SHISA6: variants seen among roughly 807,000 people sequenced by gnomAD.
SHISA6 encodes the protein protein shisa-6.
A neutral mutation model predicts 47.9 loss-of-function variants in SHISA6; 22 were observed. That is an observed-to-expected ratio of 0.46 (90% confidence interval 0.33 to 0.66). SHISA6 has a LOEUF of 0.66. Ranked by LOEUF, SHISA6 falls within the 30% of genes least tolerant of loss-of-function variation. The probability of loss-of-function intolerance (pLI) is 0.02; values close to 1 mark genes in which losing one functional copy is unlikely to be tolerated. For missense variants in SHISA6, 680 were observed against 764.6 expected, an observed-to-expected ratio of 0.89 and a Z score of 1.30; for synonymous variants, 388 against 337.8, an observed-to-expected ratio of 1.15 and a Z score of -1.63.
At chr17:11,245,350 G>A (rs1907534253) in intron 1 of SHISA6, among the ~76,000 whole-genome samples, 1 of 152,150 alleles carries the variant, frequency 6.6e-6, no homozygotes, top group Admixed American at 6.5e-5. Context: ...AAACTGCCCG[G>A]GCTAAGGCTC....
intron 3 of SHISA6, among the ~76,000 whole-genome samples, chr17:11,413,786 C>T (rs377430748): frequency 7.9e-5 from 12 of 152,192 alleles, no homozygotes; most frequent in East Asian, 1.9e-4. Flanking sequence ...TGGAACATTG[C>T]GTTGCCTCCT....
intron 3 of SHISA6, among the ~76,000 whole-genome samples, chr17:11,454,123 T>C (rs1351484969): frequency 1.3e-5 from 2 of 152,178 alleles, no homozygotes; most frequent in African/African-American, 2.4e-5. Context: ...GTCTCATTCA[T>C]TCGATTTTTA....
intron 2 of SHISA6, among the ~76,000 whole-genome samples, chr17:11,274,327 G>A (rs998494318): frequency 9.2e-5 from 14 of 152,306 alleles, no homozygotes; most frequent in East Asian, 5.8e-4. Context: ...ATGAGGTGCC[G>A]GTCAGAGGGA....
intron 2 of SHISA6, among the ~76,000 whole-genome samples, chr17:11,366,315 T>G (rs1442266369): frequency 6.6e-6 from 1 of 152,170 alleles, no homozygotes; most frequent in Non-Finnish European, 1.5e-5. Flanking sequence ...GCCCAGCTAA[T>G]TTTTTGTAGA....
intron 2 of SHISA6, among the ~76,000 whole-genome samples, chr17:11,263,904 C>T (rs963968140): frequency 6.6e-6 from 1 of 152,166 alleles, no homozygotes; most frequent in African/African-American, 2.4e-5. Flanking sequence ...TTACTGTACC[C>T]CAATGTAGAG....
chr17:11,336,114 C>T (rs1313400099), intron 2 of SHISA6, among the ~76,000 whole-genome samples: 1 of 151,660 alleles, frequency 6.6e-6, no homozygotes, highest in Non-Finnish European at 1.5e-5. Flanking sequence ...GAGGCTGAGG[C>T]AGGAGAATTG....
intron 2 of SHISA6, among the ~76,000 whole-genome samples, chr17:11,283,016 T>C (rs1909174246): frequency 6.6e-6 from 1 of 152,188 alleles, no homozygotes; most frequent in South Asian, 2.1e-4. Flanking sequence ...TCTAGCGAAG[T>C]GTAAAGATCA....
chr17:11,303,267 G>C (rs1597448126), intron 2 of SHISA6, among the ~76,000 whole-genome samples: 1 of 145,238 alleles, frequency 6.9e-6, no homozygotes, highest in Non-Finnish European at 1.5e-5. Context: ...TTGTGGTTGT[G>C]AGTATGTGTG....
Position 11,292,984 on chromosome 17 carries a change from C to A in SHISA6, c.799+29458C>A, listed in dbSNP as rs536396782. Among the ~76,000 whole-genome samples the A allele has an allele frequency of 3.9e-5, 6 of 152,126 alleles. No individual in the cohort carries two copies. The East Asian group carries it at 1.2e-3, about 29-fold the overall frequency. ...GGATTACAGGCGCCCACCGCCACAC[C>A]TGGCTAATTTTTGTATTTTTAGTAG... On this transcript the variant is annotated intron_variant, in intron 2 of 5. Transcript: ENST00000441885.
rs141513975 is a variant in SHISA6 at position 11,438,530 on chromosome 17, C to G, written c.895+59021C>G. On this transcript the variant is annotated intron_variant, in intron 3 of 5. Coordinates refer to ENST00000441885, the MANE Select transcript of SHISA6 (RefSeq NM_207386.4). Reference sequence around the variant, plus strand: ...GCTATGTGCTCCCCTGGACTTTCCTCTGTTTGTGCTGGGAGGCAGATAGAG... The same window carrying G: ...GCTATGTGCTCCCCTGGACTTTCCTGTGTTTGTGCTGGGAGGCAGATAGAG... 8.0e-3 allele frequency among the ~76,000 whole-genome samples: 1,218 copies of G among 152,286 alleles called. 24 individuals carry two copies. Among genetic ancestry groups the G allele is most frequent in the African/African-American group, 0.028 (1,149 of 41,570 alleles).
chr17:11,557,765 G>T lies in SHISA6; in HGVS notation c.1117G>T (p.Ala373Ser). The T allele has an allele frequency of 6.5e-7, 1 of 1,544,146 alleles. No individual in the cohort carries two copies. Among genetic ancestry groups the T allele is most frequent in the Non-Finnish European group, 8.8e-7 (1 of 1,142,418 alleles). The part of the protein sequence containing the change: ...SSLKRLTDKE[A>S]DEYYMRRRHL... The stretch of plus-strand genomic sequence containing the variant: ...TCTCTCCCCTGCAGCCGACAAGGAG[G>T]CTGACGAGTATTACATGAGACGGCG... Residue 373 changes from alanine (A) to serine (S), a missense_variant, in exon 6 of 6, where the codon GCT becomes TCT. Transcript: ENST00000441885.
At chr17:11,321,871 AT>A (rs1006545695) in intron 2 of SHISA6, among the ~76,000 whole-genome samples, 11 of 151,334 alleles carry the variant, frequency 7.3e-5, no homozygotes, top group South Asian at 2.1e-4. Flanking sequence ...GTTTTTTGTA[AT>A]TTTTTTTTCA....
chr17:11,353,597 T>C (rs1911975384), intron 2 of SHISA6, among the ~76,000 whole-genome samples: 1 of 152,074 alleles, frequency 6.6e-6, no homozygotes, highest in South Asian at 2.1e-4. Flanking sequence ...TTGAGCCCAG[T>C]GTGGCTCACC....
chr17:11,277,349 C>T (rs1908962035), intron 2 of SHISA6, among the ~76,000 whole-genome samples: 2 of 148,768 alleles, frequency 1.3e-5, no homozygotes, highest in Admixed American at 1.3e-4. Flanking sequence ...ACTTTCTTCT[C>T]CCAGAGATCT....
At chr17:11,467,907 G>A (rs1047575968) in intron 3 of SHISA6, among the ~76,000 whole-genome samples, 1 of 152,184 alleles carries the variant, frequency 6.6e-6, no homozygotes, top group South Asian at 2.1e-4. Context: ...TTCTTGTTAG[G>A]TACAGCTTCT....
intron 2 of SHISA6, among the ~76,000 whole-genome samples, chr17:11,370,078 CTT>C (rs1912586765): frequency 6.6e-6 from 1 of 152,080 alleles, no homozygotes; most frequent in Non-Finnish European, 1.5e-5. Flanking sequence ...CTTGAAGACT[CTT>C]TCTGTTGCAA....
intron 3 of SHISA6, among the ~76,000 whole-genome samples, chr17:11,408,695 G>T (rs1914031135): frequency 6.6e-6 from 1 of 152,182 alleles, no homozygotes; most frequent in Non-Finnish European, 1.5e-5. Flanking sequence ...CCAGAAAAAT[G>T]CCTCCACAAT....
At chr17:11,482,026 G>C (rs934292862) in intron 3 of SHISA6, among the ~76,000 whole-genome samples, 1 of 152,174 alleles carries the variant, frequency 6.6e-6, no homozygotes, top group Non-Finnish European at 1.5e-5. Flanking sequence ...ACTTTGAAGT[G>C]TGAGCTCAGT....
At position 11,249,303 on chromosome 17, in the gene SHISA6, TGC is replaced by T. The variant is rs1470803373; in HGVS notation, c.638+7245_638+7246del. ...GTGGCCGTGTGTGTGTGTGTGCGCG[TGC>T]GTGTGTGTGGACGTGTGTGTGCGTG... On this transcript the variant is annotated intron_variant, in intron 1 of 5. Transcript: ENST00000441885. 3.3e-3 allele frequency among the ~76,000 whole-genome samples: 493 copies of T among 150,644 alleles called. 4 individuals are homozygous for T. Among genetic ancestry groups the T allele is most frequent in the Non-Finnish European group, 6.1e-3 (410 of 67,618 alleles).
Sources: allele counts gnomAD v4.1 joint callset (sites outside exome capture counted in the v4.1 genomes callset), GRCh38; gene constraint gnomAD v4.1.1; transcripts MANE v1.5; gene names NCBI Gene and HGNC (gene_info 2026-07-23, HGNC 2026-07-21).